The following MYT1L variants were observed in gnomAD, a reference collection of about 807,000 sequenced individuals.
MYT1L encodes myelin transcription factor 1-like protein.
A neutral mutation model predicts 126.7 loss-of-function variants in MYT1L; 12 were observed. The observed-to-expected ratio is 0.09, with a 90% confidence interval of 0.06 to 0.15. The LOEUF is 0.15. MYT1L is among the 10% of genes least tolerant of loss of function. The pLI is 1.00. For synonymous variants in MYT1L, 541 were observed against 604.2 expected (o/e 0.90, Z 1.53); for missense variants, 979 against 1,585.2 (o/e 0.62, Z 6.49).
At position 1,806,968 on chromosome 2, in the gene MYT1L, A is replaced by C. The variant is rs188399055; in HGVS notation, c.3172+2108T>G. 8.0e-3 allele frequency among the ~76,000 whole-genome samples: 1,214 copies of C among 152,366 alleles called. 17 individuals are homozygous for C. The highest frequency in any genetic ancestry group is 0.026 in the African/African-American group (1,095 of 41,590). ...GAATGTTTTCTTTCTGGCAAGGAGC[A>C]CTGCTCCGTAATAACTAGAAAGCGA... On this transcript the variant is annotated intron_variant, in intron 22 of 24. Transcript: ENST00000647738. The surrounding 1 kb of genome is among the most constrained non-coding windows in gnomAD (Gnocchi z 4.9).
At chr2:2,240,690 G>A (rs1482738620) in intron 2 of MYT1L, among the ~76,000 whole-genome samples, 9 of 152,178 alleles carry the variant, frequency 5.9e-5, no homozygotes, top group Non-Finnish European at 1.3e-4. Context: ...CGCTGACATA[G>A]CGGTGTCCAC....
intron 3 of MYT1L, among the ~76,000 whole-genome samples, chr2:2,103,343 G>C (rs2078331300): frequency 1.3e-5 from 2 of 152,178 alleles, no homozygotes; most frequent in African/African-American, 4.8e-5. Context: ...CTTGTCCTGA[G>C]AGCTGTGCAG....
chr2:1,892,501 TTTTCC>T lies in MYT1L; in HGVS notation c.2033-219_2033-215del, dbSNP rs1342850288. Among the ~76,000 whole-genome samples, 42 of 148,682 alleles carry T rather than the reference TTTTCC, an allele frequency of 2.8e-4. No homozygotes were observed. In the East Asian group the frequency reaches 6.9e-3, roughly 24 times the overall value. ...CCTTTCTTTTTTCTTCTTTTTTCCT[TTTTCC>T]TTTTTTTTTTTTTTTTTGCCCTGGA... On this transcript the variant is annotated intron_variant, in intron 14 of 24. Transcript: ENST00000647738.
At chr2:1,914,881 C>T (rs1573531107) in intron 11 of MYT1L, among the ~76,000 whole-genome samples, 1 of 152,328 alleles carries the variant, frequency 6.6e-6, no homozygotes, top group African/African-American at 2.4e-5. Flanking sequence ...TGGACTTTTA[C>T]AACAGCCTTT....
chr2:2,295,908 T>G (rs1355449015), intron 1 of MYT1L, among the ~76,000 whole-genome samples: 2 of 109,180 alleles, frequency 1.8e-5, no homozygotes, highest in Non-Finnish European at 3.6e-5. Flanking sequence ...AGAGAGAGAA[T>G]AATAAAGCTA....
chr2:2,034,354 C>T (rs1405689518), intron 4 of MYT1L, among the ~76,000 whole-genome samples: 1 of 129,392 alleles, frequency 7.7e-6, no homozygotes, highest in East Asian at 2.4e-4. Flanking sequence ...ACAATCTCCA[C>T]CCTCCAATGC....
chr2:2,294,900 G>A (rs1423274009), intron 1 of MYT1L, among the ~76,000 whole-genome samples: 1 of 152,172 alleles, frequency 6.6e-6, no homozygotes, highest in African/African-American at 2.4e-5. Flanking sequence ...ATTCCGGGTG[G>A]AGAAGCAATC....
chr2:2,028,410 A>C (rs2065864543), intron 4 of MYT1L, among the ~76,000 whole-genome samples: 1 of 152,190 alleles, frequency 6.6e-6, no homozygotes, highest in Non-Finnish European at 1.5e-5. Flanking sequence ...TGAATAGTAG[A>C]TCGACAGTCC....
intron 2 of MYT1L, among the ~76,000 whole-genome samples, chr2:2,265,053 G>A (rs2095089137): frequency 6.7e-6 from 1 of 150,250 alleles, no homozygotes. Context: ...TTGAGATGGA[G>A]TTTTGCTCTT....
rs1226090502 is a variant in MYT1L at position 1,912,732 on chromosome 2, T to A, written c.1619-622A>T. On this transcript the variant is annotated intron_variant, in intron 11 of 24. Coordinates refer to ENST00000647738, the MANE Select transcript of MYT1L (RefSeq NM_001303052.2). This position sits in a 1 kb window ranked among gnomAD's most constrained non-coding sequence, Gnocchi z 4.3. ...GCTAGAAGAGTAAGCGTCTGCGTTT[T>A]TACCCTGTGAAATTAACAAGCGGGA... 6.6e-6 allele frequency among the ~76,000 whole-genome samples: 1 copy of A among 151,410 alleles called. No individual in the cohort carries two copies. The highest frequency in any genetic ancestry group is 1.5e-5 in the Non-Finnish European group (1 of 68,014).
At chr2:1,820,056 G>A (rs2038301467) in intron 21 of MYT1L, among the ~76,000 whole-genome samples, 1 of 151,964 alleles carries the variant, frequency 6.6e-6, no homozygotes, top group African/African-American at 2.4e-5. Flanking sequence ...GAGGAAGCTG[G>A]CAGAGGGGCC....
chr2:2,306,565 A>G (rs1170345336), intron 1 of MYT1L, among the ~76,000 whole-genome samples: 1 of 152,160 alleles, frequency 6.6e-6, no homozygotes, highest in Non-Finnish European at 1.5e-5. Context: ...GCAATGCAAC[A>G]TGCCTATTTC....
rs745509665 is a variant in MYT1L at position 1,839,319 on chromosome 2, C to T, written c.2910G>A (p.Ala970=). ...GGCACCCGGAGGCGCTGCGATGGGA[C>T]GCGTACTTCCCAGTGATGTGGCCCT... ...DGQGHITGKY[A]SHRSASGCPL... The change falls in exon 21 of 25, where the codon GCG becomes GCA. Residue 970 remains alanine, a synonymous_variant. Transcript: ENST00000647738. 33 of 1,613,420 alleles carry T rather than the reference C, an allele frequency of 2.0e-5. No individual in the cohort carries two copies. Among genetic ancestry groups the T allele is most frequent in the African/African-American group, 2.7e-5 (2 of 74,922 alleles).
chr2:2,036,555 CAGCTCCTCA>C (rs1380342170), intron 4 of MYT1L, among the ~76,000 whole-genome samples: 4 of 152,378 alleles, frequency 2.6e-5, no homozygotes, highest in South Asian at 4.1e-4. Flanking sequence ...CCCATCCACA[CAGCTCCTCA>C]TGGCAGAAAC....
Position 2,266,608 on chromosome 2 carries a change from GT to G in MYT1L, c.-421+17795del, listed in dbSNP as rs201254944. Among the ~76,000 whole-genome samples, 705 of 152,238 alleles carry G rather than the reference GT, an allele frequency of 4.6e-3. 25 individuals are homozygous for G. In the South Asian group the frequency reaches 0.089, roughly 19 times the overall value. On this transcript the variant is annotated intron_variant, in intron 2 of 24. Transcript: ENST00000647738. The stretch of plus-strand genomic sequence containing the variant: ...GGAGCAGGGAGTGGGCCAGGGTGTT[GT>G]TACAGGAAGGAGGGATAGTGATGAT...
chr2:2,315,730 A>T (rs2096055519), intron 1 of MYT1L, among the ~76,000 whole-genome samples: 1 of 152,218 alleles, frequency 6.6e-6, no homozygotes, highest in African/African-American at 2.4e-5. Flanking sequence ...CAAAAGTATG[A>T]GTTTTCTAGT....
rs111979639 is a variant in MYT1L, at chr2:2,251,120, G to A, written c.-421+33284C>T. On this transcript the variant is annotated intron_variant, in intron 2 of 24. Transcript: ENST00000647738. ...ATGATAAAAGCTATTACCTCTCATC[G>A]TGGAATTAGATCATTCTGTCCTTCA... Among the ~76,000 whole-genome samples, 158 of 152,168 alleles carry A rather than the reference G, an allele frequency of 1.0e-3. 1 individual carries two copies. The highest frequency in any genetic ancestry group is 3.4e-3 in the Admixed American group (52 of 15,274).
At chr2:2,274,470 C>T (rs2095322155) in intron 2 of MYT1L, among the ~76,000 whole-genome samples, 2 of 151,276 alleles carry the variant, frequency 1.3e-5, no homozygotes, top group East Asian at 1.9e-4. Context: ...TTTCCTAAAA[C>T]ATTTAGGAGA....
At chr2:1,818,778 C>T (rs2038080543) in intron 21 of MYT1L, among the ~76,000 whole-genome samples, 1 of 152,204 alleles carries the variant, frequency 6.6e-6, no homozygotes, top group African/African-American at 2.4e-5. Context: ...CAGTGGGAAG[C>T]AATGGCATCG....
Sources: allele counts gnomAD v4.1 joint callset (sites outside exome capture counted in the v4.1 genomes callset), GRCh38; gene constraint gnomAD v4.1.1; non-coding constraint Gnocchi (gnomAD v3.1); transcripts MANE v1.5; gene names NCBI Gene and HGNC (gene_info 2026-07-23, HGNC 2026-07-21).